Variants in USP47 observed in about 807,000 individuals in gnomAD.
USP47 encodes ubiquitin carboxyl-terminal hydrolase 47.
In USP47, 35 loss-of-function variants were observed where a neutral mutation model predicts 165.1. The ratio of observed to expected loss-of-function variants is 0.21; its 90% confidence interval spans 0.16 to 0.28. The LOEUF is 0.28. Among genes scored for constraint, USP47 ranks in the 10% least tolerant of loss-of-function variants. The pLI is 1.00. For synonymous variants in USP47, 531 were observed against 544.5 expected, an observed-to-expected ratio of 0.98 and a Z score of 0.35; for missense variants, 1,277 against 1,607.4, an observed-to-expected ratio of 0.79 and a Z score of 3.52.
chr11:11,954,426 C>T (rs1049944408), intron 25 of USP47, among the ~76,000 whole-genome samples: 4 of 152,044 alleles, frequency 2.6e-5, no homozygotes, highest in Non-Finnish European at 4.4e-5. Context: ...CATGCCACCA[C>T]GCCCGGCTAA....
rs901667034 is a variant in USP47 at position 11,936,309 on chromosome 11, G to A, written c.1876G>A (p.Asp626Asn). Residue 626 changes from aspartate to asparagine, a missense_variant, in exon 17 of 28, where the codon GAT (aspartate) becomes AAT (asparagine). By Grantham distance (23) the Asp-to-Asn change is conservative (BLOSUM62 1). Coordinates refer to ENST00000527733, the MANE Select transcript of USP47 (RefSeq NM_001282659.2). ...GGGGATTACTTTCTTTTAGATGATG[G>A]ATTTAGAAGAGGTAATACCCCTGGA... ...EAVEMAYKMM[D>N]LEEVIPLDCC... The A allele has an allele frequency of 7.8e-6, 12 of 1,529,504 alleles. No individual in the cohort carries two copies. The African/African-American group carries it at 1.4e-4, about 17-fold the overall frequency. 94.7% of individuals were successfully genotyped at this position (1,529,504 alleles called of 1,614,324 possible). A position where few individuals can be genotyped will look rare whatever the true frequency, so the allele number is the denominator to read the frequency against.
chr11:11,892,115 T>C lies in USP47; in HGVS notation c.496+9T>C. ...GAATAAATCAGAAACTGGTAAGATT[T>C]GTTGTATTTTCATAAAATCATAGGG... is the stretch of plus-strand genomic sequence containing the variant. On this transcript the variant is annotated intron_variant, in intron 4 of 27. Coordinates refer to ENST00000527733, the MANE Select transcript of USP47 (RefSeq NM_001282659.2). 1 of 1,610,130 alleles carries C rather than the reference T, an allele frequency of 6.2e-7. No homozygotes were observed. The highest frequency in any genetic ancestry group is 8.5e-7 in the Non-Finnish European group (1 of 1,178,446).
intron 1 of USP47, among the ~76,000 whole-genome samples, chr11:11,862,854 G>A (rs1007282393): frequency 1.3e-5 from 2 of 152,096 alleles, no homozygotes; most frequent in Admixed American, 1.3e-4. Flanking sequence ...ACCACACCCA[G>A]CCTACAAGTG....
Position 11,948,518 on chromosome 11 carries a change from A to G in USP47, c.3308A>G (p.Tyr1103Cys). ...GGGAGAGCACTTAAAAAAGGAGAAT[A>G]CAGAGTTAAAGTATACCAGCTTTTG... ...RLGRALKKGE[Y>C]RVKVYQLLVN... The change falls in exon 22 of 28, where the codon TAC (tyrosine) becomes TGC (cysteine). Residue 1103 changes from tyrosine (Y) to cysteine (C), a missense_variant. Coordinates refer to ENST00000527733, the MANE Select transcript of USP47 (RefSeq NM_001282659.2). 6.2e-7 allele frequency: 1 copy of G among 1,613,102 alleles called. No individual in the cohort carries two copies. The highest frequency in any genetic ancestry group is 8.5e-7 in the Non-Finnish European group (1 of 1,179,236).
At chr11:11,914,244 A>G (rs539673406) in intron 8 of USP47, among the ~76,000 whole-genome samples, 1 of 152,088 alleles carries the variant, frequency 6.6e-6, no homozygotes, top group Non-Finnish European at 1.5e-5. Context: ...AAACCCAGAA[A>G]TAGATCCACA....
At chr11:11,886,565 A>G (rs754404475) in intron 3 of USP47, among the ~76,000 whole-genome samples, 6 of 152,182 alleles carry the variant, frequency 3.9e-5, no homozygotes, top group South Asian at 4.1e-4. Flanking sequence ...AAAGGAATGA[A>G]CAAAACCTCC....
chr11:11,887,005 TATG>T (rs1182213659), intron 3 of USP47, among the ~76,000 whole-genome samples: 1 of 152,060 alleles, frequency 6.6e-6, no homozygotes, highest in Non-Finnish European at 1.5e-5. Flanking sequence ...AAAGGAAAAA[TATG>T]ATCCTTTTCA....
intron 1 of USP47, among the ~76,000 whole-genome samples, chr11:11,867,224 C>T (rs748377478): frequency 6.6e-6 from 1 of 152,100 alleles, no homozygotes; most frequent in Non-Finnish European, 1.5e-5. Flanking sequence ...AATTCTTCTC[C>T]GTTTATTTAC....
At chr11:11,860,644 A>C (rs1156923590) in intron 1 of USP47, among the ~76,000 whole-genome samples, 6 of 152,340 alleles carry the variant, frequency 3.9e-5, no homozygotes, top group African/African-American at 1.4e-4. Context: ...ACCTATAAAC[A>C]AGTCAGTTAT....
chr11:11,879,908 C>G (rs1850720257), intron 1 of USP47, among the ~76,000 whole-genome samples: 1 of 152,000 alleles, frequency 6.6e-6, no homozygotes, highest in East Asian at 1.9e-4. Context: ...GATTTACAGT[C>G]TTAAAGGTGA....
At chr11:11,854,263 C>G (rs917210537) in intron 1 of USP47, among the ~76,000 whole-genome samples, 2 of 146,848 alleles carry the variant, frequency 1.4e-5, no homozygotes, top group African/African-American at 4.9e-5. Flanking sequence ...AATTCTGCTT[C>G]TTTATTATAA....
chr11:11,931,270 A>C (rs1362834217), intron 14 of USP47, among the ~76,000 whole-genome samples: 5 of 152,256 alleles, frequency 3.3e-5, no homozygotes, highest in Middle Eastern at 3.4e-3. Flanking sequence ...TTCAAGCATT[A>C]TGTTTTTATT....
chr11:11,900,367 A>T, intron 5 of USP47, among the ~76,000 whole-genome samples: 1 of 151,834 alleles, frequency 6.6e-6, no homozygotes, highest in South Asian at 2.1e-4. Context: ...TCACCGTGTT[A>T]GCCAGGATGG....
At chr11:11,954,768 T>A (rs891933902) in intron 25 of USP47, 129 bp from the exon 26 acceptor site, 4 of 1,096,420 alleles carry the variant, frequency 3.6e-6, no homozygotes, top group Non-Finnish European at 5.1e-6. Flanking sequence ...GCTTTCTGCT[T>A]TTTCTTAATT....
intron 11 of USP47, among the ~76,000 whole-genome samples, chr11:11,929,022 T>C (rs141236261): frequency 1.3e-5 from 2 of 152,192 alleles, no homozygotes; most frequent in East Asian, 3.9e-4. Context: ...ATTATATTCC[T>C]CAGCTCTTTT....
At chr11:11,876,800 A>G (rs1037680513) in intron 1 of USP47, among the ~76,000 whole-genome samples, 59 of 152,222 alleles carry the variant, frequency 3.9e-4, no homozygotes, top group African/African-American at 1.4e-3. Flanking sequence ...AAGAAATACA[A>G]AAGCAGAAAC....
rs763017297 is a variant in USP47 at position 11,948,010 on chromosome 11, G to A, written c.3157G>A (p.Val1053Ile). Residue 1053 changes from valine (V) to isoleucine (I), a missense_variant, in exon 21 of 28, where the codon GTT (valine) becomes ATT (isoleucine). This residue lies in a region of USP47 where 909 missense variants were observed against 1,068.1 expected (regional missense o/e 0.85). Coordinates refer to ENST00000527733, the MANE Select transcript of USP47 (RefSeq NM_001282659.2). ...AAFKQHLEPF[V>I]GVLSSHFKVF... ...TTTCAAACAACATTTAGAGCCCTTT[G>A]TTGGAGTTTTGTCCTCTCACTTCAA... 2 of 1,613,734 alleles carry A rather than the reference G, an allele frequency of 1.2e-6. No homozygotes were observed. The highest frequency in any genetic ancestry group is 3.3e-5 in the Admixed American group (2 of 59,970).
At chr11:11,845,214 T>C (rs1032855025) in intron 1 of USP47, among the ~76,000 whole-genome samples, 14 of 152,172 alleles carry the variant, frequency 9.2e-5, no homozygotes, top group African/African-American at 3.4e-4. Context: ...CCCAGTACCA[T>C]TGATTCTGGC....
In USP47 at chr11:11,930,094, A is replaced by C; in HGVS notation, c.1569A>C (p.Arg523Ser). The change falls in exon 13 of 28, where the codon AGA (arginine) becomes AGC (serine). Residue 523 changes from arginine to serine, a missense_variant. Arg to Ser is a moderately radical substitution (Grantham distance 110, BLOSUM62 -1). Transcript: ENST00000527733. ...KKTHGGSSGS[R>S]GYYSSAFASS... ...CACATGGTGGATCTTCAGGAAGCAG[A>C]GGATATTATTCTAGTGCTTTCGCAA... 1 of 1,613,274 alleles carries C rather than the reference A, an allele frequency of 6.2e-7. No individual in the cohort carries two copies. The highest frequency in any genetic ancestry group is 8.5e-7 in the Non-Finnish European group (1 of 1,179,310).
Sources: allele counts gnomAD v4.1 joint callset (sites outside exome capture counted in the v4.1 genomes callset), GRCh38; gene constraint gnomAD v4.1.1; regional missense constraint gnomAD v4.1.1; transcripts MANE v1.5; gene names NCBI Gene and HGNC (gene_info 2026-07-23, HGNC 2026-07-21).